The following TXNRD1 variants were observed in gnomAD, a reference collection of about 807,000 sequenced individuals.
TXNRD1 encodes thioredoxin reductase 1, cytoplasmic.
Under a neutral mutation model 80.3 loss-of-function variants are expected in TXNRD1, and 57 were observed. The observed-to-expected ratio is 0.71, with a 90% CI of 0.57 to 0.89. TXNRD1 has a LOEUF of 0.89. TXNRD1 is among the 40% of genes least tolerant of loss of function. The pLI is 0.00. For synonymous variants in TXNRD1, 291 were observed against 285.2 expected (o/e 1.02, Z -0.20); for missense variants, 730 against 803.0 (o/e 0.91, Z 1.10).
intron 3 of TXNRD1, chr12:104,286,691 C>T (rs1187281129): frequency 2.0e-6 from 2 of 991,886 alleles, no homozygotes; most frequent in Non-Finnish European, 2.4e-6. Context: ...AAGACCCTCA[C>T]GTGATGACAA....
At chr12:104,310,531 T>G (rs1402305522) in intron 4 of TXNRD1, among the ~76,000 whole-genome samples, 1 of 152,216 alleles carries the variant, frequency 6.6e-6, no homozygotes, top group East Asian at 1.9e-4. Flanking sequence ...ATTTTTATTT[T>G]AGTAAGCGAT....
chr12:104,249,736 C>G (rs571208074), intron 1 of TXNRD1, among the ~76,000 whole-genome samples: 1 of 151,922 alleles, frequency 6.6e-6, no homozygotes, highest in Non-Finnish European at 1.5e-5. Flanking sequence ...GAGATCAAGA[C>G]CATCCTGGCT....
rs189110820 is a variant in TXNRD1 at position 104,265,524 on chromosome 12, C to T, written c.304+7445C>T. On this transcript the variant is annotated intron_variant, in intron 3 of 16. Coordinates refer to ENST00000525566, the MANE Select transcript of TXNRD1 (RefSeq NM_001093771.3). Reference sequence around the variant, plus strand: ...GTGGGCAGGTGTTTGAGAAGTCCCCCCTGCGGGTGAAGAACTTCAGGATCT... The same window carrying T: ...GTGGGCAGGTGTTTGAGAAGTCCCCTCTGCGGGTGAAGAACTTCAGGATCT... The T allele has an allele frequency of 1.3e-4, 206 of 1,610,960 alleles. No homozygotes were observed. In the African/African-American group the frequency reaches 2.5e-3, roughly 19 times the overall value.
chr12:104,272,878 C>T (rs1282306429), intron 3 of TXNRD1, among the ~76,000 whole-genome samples: 1 of 151,564 alleles, frequency 6.6e-6, no homozygotes, highest in Non-Finnish European at 1.5e-5. Flanking sequence ...ATTTAGAACT[C>T]ATATCTAACA....
rs541990586 is a variant in TXNRD1 at position 104,333,006 on chromosome 12, G to A, written c.1651-1231G>A. On this transcript the variant is annotated intron_variant, in intron 14 of 16. Transcript: ENST00000525566. Reference sequence around the variant, plus strand: ...AAGTTTGATGAAGTTACAGTTTTAGGTCCAAGCTTAATATTAATGTTATGT... The same window carrying A: ...AAGTTTGATGAAGTTACAGTTTTAGATCCAAGCTTAATATTAATGTTATGT... Among the ~76,000 whole-genome samples the A allele has an allele frequency of 3.3e-5, 5 of 151,524 alleles. No individual in the cohort carries two copies. In the South Asian group the frequency reaches 1.0e-3, roughly 31 times the overall value.
chr12:104,335,465 G>A (rs1265030089), intron 15 of TXNRD1, among the ~76,000 whole-genome samples: 1 of 152,142 alleles, frequency 6.6e-6, no homozygotes, highest in African/African-American at 2.4e-5. Flanking sequence ...CTCCCAAAGT[G>A]CTGGGATTAC....
At chr12:104,281,812 C>A (rs1177052033) in intron 3 of TXNRD1, among the ~76,000 whole-genome samples, 1 of 152,142 alleles carries the variant, frequency 6.6e-6, no homozygotes, top group Non-Finnish European at 1.5e-5. Context: ...CACACTCTGG[C>A]ATCTTACCAC....
At chr12:104,338,524 G>A (rs888772838) in intron 15 of TXNRD1, among the ~76,000 whole-genome samples, 1 of 151,098 alleles carries the variant, frequency 6.6e-6, no homozygotes, top group African/African-American at 2.4e-5. Flanking sequence ...GCGAAACCCC[G>A]TCTCTACTAA....
At chr12:104,303,692 C>T (rs2034741131) in intron 4 of TXNRD1, 2 of 571,476 alleles carry the variant, frequency 3.5e-6, no homozygotes, top group Non-Finnish European at 5.7e-6. Context: ...TGTCTTCCCG[C>T]GGAGCGTGCT....
chr12:104,275,315 A>C (rs190401742), intron 3 of TXNRD1, among the ~76,000 whole-genome samples: 1 of 152,130 alleles, frequency 6.6e-6, no homozygotes, highest in Non-Finnish European at 1.5e-5. Context: ...TTCTTCTGGC[A>C]AGAAAAGACA....
chr12:104,276,443 G>A (rs2033760164), intron 3 of TXNRD1, among the ~76,000 whole-genome samples: 1 of 152,178 alleles, frequency 6.6e-6, no homozygotes, highest in Non-Finnish European at 1.5e-5. Flanking sequence ...AAACATCAAG[G>A]AATTTTGCAA....
intron 4 of TXNRD1, chr12:104,310,047 T>C: frequency 6.5e-7 from 1 of 1,536,052 alleles, no homozygotes; most frequent in Non-Finnish European, 8.7e-7. Flanking sequence ...AAGCTCTGCC[T>C]TTCACCCCCT....
chr12:104,335,020 A>G (rs1429398480), intron 15 of TXNRD1, among the ~76,000 whole-genome samples: 1 of 152,148 alleles, frequency 6.6e-6, no homozygotes, highest in Non-Finnish European at 1.5e-5. Context: ...AAGAGCTCTT[A>G]ATTGAGTTCT....
At position 104,325,267 on chromosome 12, in the gene TXNRD1, G is replaced by A. The variant is rs1208838611; in HGVS notation, c.1216-70G>A. 5.8e-6 allele frequency: 7 copies of A among 1,215,894 alleles called. No individual in the cohort carries two copies. In the East Asian group the frequency reaches 1.2e-4, roughly 21 times the overall value. The allele number at this position is 1,215,894 out of a possible 1,614,324, so 75.3% of individuals were successfully genotyped here. A position where few individuals can be genotyped will look rare whatever the true frequency, so the allele number is the denominator to read the frequency against. ...ATTTTAACTTTGGGTTAACCAGATG[G>A]AAGGGGAAGGTAGAGAATCCAACTT... On this transcript the variant is annotated intron_variant, in intron 10 of 16. Coordinates refer to ENST00000525566, the MANE Select transcript of TXNRD1 (RefSeq NM_001093771.3).
rs1395846869 is a variant in TXNRD1, at chr12:104,334,299, T to C, written c.1713T>C (p.Cys571=). The change falls in exon 15 of 17, where the codon TGT becomes TGC. Residue 571 remains cysteine, a synonymous_variant. Transcript: ENST00000525566. ...TTCCGTCAAGAGATAACAACAAATG[T>C]TATGCAAAAATAATCTGTAATACTA... ...WTIPSRDNNK[C]YAKIICNTKD... is the part of the protein sequence containing the mutation. 1 of 1,532,448 alleles carries C rather than the reference T, an allele frequency of 6.5e-7. No individual in the cohort carries two copies. The highest frequency in any genetic ancestry group is 2.1e-5 in the Admixed American group (1 of 48,472). 94.9% of individuals were successfully genotyped at this position (1,532,448 alleles called of 1,614,324 possible).
intron 1 of TXNRD1, among the ~76,000 whole-genome samples, chr12:104,234,315 G>A (rs1459966210): frequency 6.6e-6 from 1 of 151,864 alleles, no homozygotes; most frequent in Admixed American, 6.6e-5. Context: ...CTTTTTTTGA[G>A]ACGAAGTCTC....
chr12:104,346,528 C>A lies in TXNRD1; in HGVS notation c.1882-1825C>A, dbSNP rs559319053. 5.3e-5 allele frequency among the ~76,000 whole-genome samples: 8 copies of A among 152,226 alleles called. 1 individual carries two copies. The South Asian group carries it at 1.7e-3, about 32-fold the overall frequency. ...AGCCTGGAATTTGTTTAAATGTATT[C>A]TTTGGCTCTTTATTTTTTTCCTCAT... On this transcript the variant is annotated intron_variant, in intron 16 of 16. Transcript: ENST00000525566.
At chr12:104,287,558 A>C in intron 3 of TXNRD1, 1 of 1,517,436 alleles carries the variant, frequency 6.6e-7, no homozygotes, top group African/African-American at 1.4e-5. Context: ...AGGAATTTTC[A>C]CACCATTTAA....
chr12:104,233,062 G>C (rs1452281391), intron 1 of TXNRD1, among the ~76,000 whole-genome samples: 2 of 152,216 alleles, frequency 1.3e-5, no homozygotes, highest in Non-Finnish European at 2.9e-5. Context: ...TTCCAAATAA[G>C]GAAGAGATGT....
Sources: gnomAD v4.1 joint callset for allele counts (sites outside exome capture counted in the v4.1 genomes callset) on GRCh38, gnomAD v4.1.1 for gene constraint, MANE v1.5 for transcripts, NCBI Gene and HGNC (gene_info 2026-07-23, HGNC 2026-07-21) for gene names.